The following SPMIP7 variants were observed in gnomAD, a reference collection of about 807,000 sequenced individuals.
The protein encoded by SPMIP7 is sperm microtubule inner protein 7, also known as protein SPMIP7.
the SPMIP7 span, among the ~76,000 whole-genome samples, chr7:50,154,480 T>C: frequency 2.6e-5 from 4 of 152,262 alleles, no homozygotes; most frequent in African/African-American, 9.6e-5. Context: ...AGATTCCACA[T>C]GTAAGTGAGA....
the SPMIP7 span, among the ~76,000 whole-genome samples, chr7:50,105,255 G>A: frequency 6.6e-6 from 1 of 152,118 alleles, no homozygotes; most frequent in African/African-American, 2.4e-5. Flanking sequence ...CCCTTAAAGA[G>A]TGCAATTCAA....
the SPMIP7 span, among the ~76,000 whole-genome samples, chr7:50,144,417 T>C: frequency 4.6e-5 from 7 of 152,208 alleles, no homozygotes; most frequent in African/African-American, 1.2e-4. Context: ...GTATGTAAGA[T>C]TGAAATATGC....
the SPMIP7 span, among the ~76,000 whole-genome samples, chr7:50,139,145 T>C: frequency 4.8e-3 from 725 of 152,094 alleles, 2 homozygotes; most frequent in African/African-American, 0.015. Context: ...GGTCAGGAGA[T>C]TGAGACCATC....
chr7:50,129,897 C>G, the SPMIP7 span: 20 of 710,468 alleles, frequency 2.8e-5, no homozygotes, highest in Admixed American at 5.4e-4. Flanking sequence ...ATGAGTGACA[C>G]AGAGGACATC....
the SPMIP7 span, among the ~76,000 whole-genome samples, chr7:50,120,735 G>A: frequency 6.6e-6 from 1 of 152,080 alleles, no homozygotes; most frequent in Non-Finnish European, 1.5e-5. Context: ...TCTCATCTCT[G>A]TGTTTCATTT....
chr7:50,110,650 T>C, the SPMIP7 span, among the ~76,000 whole-genome samples: 1 of 137,664 alleles, frequency 7.3e-6, no homozygotes, highest in Non-Finnish European at 1.5e-5. Flanking sequence ...AAATATATTA[T>C]ATAATGTGTG....
chr7:50,113,191 A>G, the SPMIP7 span, among the ~76,000 whole-genome samples: 47 of 152,276 alleles, frequency 3.1e-4, no homozygotes, highest in Non-Finnish European at 5.4e-4. Context: ...AAAGCATCCG[A>G]CTGATTCCAA....
chr7:50,107,499 A>G, the SPMIP7 span, among the ~76,000 whole-genome samples: 1 of 151,948 alleles, frequency 6.6e-6, no homozygotes, highest in Non-Finnish European at 1.5e-5. Context: ...TAGATTAGAT[A>G]CAGTTAGAGA....
chr7:50,139,674 T>G, the SPMIP7 span, among the ~76,000 whole-genome samples: 1 of 152,226 alleles, frequency 6.6e-6, no homozygotes, highest in African/African-American at 2.4e-5. Flanking sequence ...CAGCATACTA[T>G]TCACAGTGGA....
At chr7:50,136,716 A>G in the SPMIP7 span, among the ~76,000 whole-genome samples, 3 of 152,212 alleles carry the variant, frequency 2.0e-5, no homozygotes, top group African/African-American at 7.2e-5. Context: ...TGGTTTCATT[A>G]CTACTACTTC....
At chr7:50,124,896 C>A in the SPMIP7 span, among the ~76,000 whole-genome samples, 42,940 of 151,416 alleles carry the variant, frequency 0.28, 7,794 homozygotes, top group Non-Finnish European at 0.42. Flanking sequence ...GTCAGGAGCT[C>A]AAGATCAGCT....
chr7:50,111,031 T>A, the SPMIP7 span, among the ~76,000 whole-genome samples: 1 of 144,456 alleles, frequency 6.9e-6, no homozygotes, highest in Non-Finnish European at 1.5e-5. Context: ...AAATGTATAT[T>A]ATATATTTAT....
chr7:50,103,287 G>T, the SPMIP7 span, among the ~76,000 whole-genome samples: 1 of 152,020 alleles, frequency 6.6e-6, no homozygotes. Flanking sequence ...TGAAGTAGGG[G>T]ACCAAATCTG....
chr7:50,143,642 T>G, the SPMIP7 span, among the ~76,000 whole-genome samples: 2 of 152,248 alleles, frequency 1.3e-5, no homozygotes, highest in Non-Finnish European at 2.9e-5. Flanking sequence ...ATATTGGTAG[T>G]GATTGTGCTA....
chr7:50,145,557 CAT>C, the SPMIP7 span, among the ~76,000 whole-genome samples: 22 of 71,364 alleles, frequency 3.1e-4, no homozygotes, highest in African/African-American at 9.8e-4. Context: ...ATTATATATA[CAT>C]ATATATATAT....
the SPMIP7 span, among the ~76,000 whole-genome samples, chr7:50,099,762 G>A: frequency 2.0e-5 from 3 of 152,292 alleles, no homozygotes; most frequent in Middle Eastern, 3.4e-3. Flanking sequence ...TAAGACAGAT[G>A]CTGTTTTTGG....
chr7:50,125,279 TATATACAC>T, the SPMIP7 span, among the ~76,000 whole-genome samples: 63 of 139,610 alleles, frequency 4.5e-4, 4 homozygotes, highest in African/African-American at 1.7e-3. Context: ...TATATACACA[TATATACAC>T]ATATATATAC....
chr7:50,096,746 G>C, the SPMIP7 span: 1 of 880,108 alleles, frequency 1.1e-6, no homozygotes, highest in Non-Finnish European at 1.6e-6. Flanking sequence ...ACAATGATCT[G>C]AAAAAGGTTT....
the SPMIP7 span, chr7:50,096,747 A>T: frequency 3.4e-6 from 3 of 882,380 alleles, no homozygotes. Flanking sequence ...CAATGATCTG[A>T]AAAAGGTTTT....
Sources: allele counts gnomAD v4.1 joint callset (sites outside exome capture counted in the v4.1 genomes callset), GRCh38; gene constraint gnomAD v4.1.1; transcripts MANE v1.5; gene names NCBI Gene and HGNC (gene_info 2026-07-23, HGNC 2026-07-21).